FAT4: variants seen among roughly 807,000 people sequenced by gnomAD.
FAT4 encodes the protein FAT atypical cadherin 4, also known as protocadherin Fat 4.
In FAT4, 84 loss-of-function variants were observed where a neutral mutation model predicts 303.9. The ratio of observed to expected loss-of-function variants is 0.28; its 90% CI spans 0.23 to 0.33. The LOEUF (loss-of-function observed/expected upper bound fraction) is 0.33. Ranked by LOEUF, FAT4 falls within the 10% of genes least tolerant of loss-of-function variation. The probability of loss-of-function intolerance (pLI) is 1.00; values close to 1 mark genes in which losing one functional copy is unlikely to be tolerated. For missense variants in FAT4, 6,005 were observed against 6,146.8 expected (o/e 0.98, Z 0.77); for synonymous variants, 2,307 against 2,298.8 (o/e 1.00, Z -0.10).
rs762155242 is a variant in FAT4 at position 125,448,770 on chromosome 4, T to C, written c.7760T>C (p.Leu2587Pro). Reference protein sequence around the residue: ...MFPENQPVSSLVTTITGSSLR... With the variant: ...MFPENQPVSSPVTTITGSSLR... ...CCTGAAAACCAACCAGTCAGCTCTC[T>C]TGTCACCACCATCACAGGATCCTCT... The change falls in exon 10 of 18, where the codon CTT (leucine) becomes CCT (proline). Residue 2587 changes from leucine (L) to proline (P), a missense_variant. Transcript: ENST00000394329. The C allele has an allele frequency of 2.5e-6, 4 of 1,612,226 alleles. No homozygotes were observed. Among genetic ancestry groups the C allele is most frequent in the South Asian group, 1.1e-5 (1 of 91,082 alleles).
chr4:125,408,711 T>C lies in FAT4; in HGVS notation c.5837T>C (p.Leu1946Ser). 10 of 1,612,150 alleles carry C rather than the reference T, an allele frequency of 6.2e-6. No individual in the cohort carries two copies. Among genetic ancestry groups the C allele is most frequent in the Non-Finnish European group, 8.5e-6 (10 of 1,178,550 alleles). ...DVNDNPPIFSLNSYSTSLMEN... is the reference protein window; with the variant it reads ...DVNDNPPIFSSNSYSTSLMEN... ...AATGATAATCCACCTATTTTCAGCT[T>C]GAATTCATACAGCACATCTTTAATG... Residue 1946 changes from leucine (L) to serine (S), a missense_variant, in exon 5 of 18, where the codon TTG (leucine) becomes TCG (serine). Physicochemically the swap from Leu to Ser is moderately radical, Grantham distance 145. Transcript: ENST00000394329.
At chr4:125,357,341 T>C (rs1732472442) in intron 2 of FAT4, among the ~76,000 whole-genome samples, 1 of 152,116 alleles carries the variant, frequency 6.6e-6, no homozygotes. Context: ...ATAATAAAAT[T>C]TGTCATTTTC....
intron 2 of FAT4, among the ~76,000 whole-genome samples, chr4:125,389,602 T>A (rs1733901963): frequency 1.3e-5 from 2 of 152,134 alleles, no homozygotes; most frequent in Admixed American, 6.5e-5. Context: ...GTCCTATTAG[T>A]TTTCCTTAAT....
At chr4:125,456,914 G>T (rs1328608284) in intron 10 of FAT4, among the ~76,000 whole-genome samples, 1 of 152,040 alleles carries the variant, frequency 6.6e-6, no homozygotes, top group African/African-American at 2.4e-5. Flanking sequence ...CCTTAGTAAA[G>T]CTTCACTTCT....
chr4:125,322,253 CAG>C (rs1252575736), intron 2 of FAT4, among the ~76,000 whole-genome samples: 21 of 152,096 alleles, frequency 1.4e-4, no homozygotes, highest in Non-Finnish European at 1.9e-4. Flanking sequence ...TGTGAATAAT[CAG>C]AGACTAGGGA....
intron 2 of FAT4, among the ~76,000 whole-genome samples, chr4:125,389,257 T>C (rs1260847225): frequency 6.6e-6 from 1 of 152,096 alleles, no homozygotes; most frequent in Non-Finnish European, 1.5e-5. Context: ...CATGACAAAA[T>C]GCTTAATAGC....
chr4:125,348,439 G>C (rs1732089890), intron 2 of FAT4, among the ~76,000 whole-genome samples: 1 of 151,614 alleles, frequency 6.6e-6, no homozygotes, highest in Non-Finnish European at 1.5e-5. Context: ...CTGCTCATCA[G>C]TGTATCCCCA....
At position 125,320,698 on chromosome 4, in the gene FAT4, T is replaced by C. The variant is rs1181676515; in HGVS notation, c.4287T>C (p.Ile1429=). The C allele has an allele frequency of 6.2e-7, 1 of 1,613,956 alleles. No homozygotes were observed. The highest frequency in any genetic ancestry group is 8.5e-7 in the Non-Finnish European group (1 of 1,179,910). The change falls in exon 2 of 18, where the codon ATT becomes ATC. Residue 1429 remains isoleucine (I), a synonymous_variant. Coordinates refer to ENST00000394329, the MANE Select transcript of FAT4 (RefSeq NM_001291303.3). ...SFPPGDIFKS[I]VENIPIGTSV... ...CTCCTGGAGATATTTTCAAGTCTAT[T>C]GTTGAGAACATTCCCATCGGTACAT...
chr4:125,384,359 C>T lies in FAT4; in HGVS notation c.5176-14425C>T, dbSNP rs541211457. Among the ~76,000 whole-genome samples the T allele has an allele frequency of 4.4e-4, 67 of 152,206 alleles. No homozygotes were observed. The Middle Eastern group carries it at 0.014, about 31-fold the overall frequency. ...TATTATCTGTTGTTTTTAATATAGC[C>T]ATTTTTATGTGTGACATATTGTATT... On this transcript the variant is annotated intron_variant, in intron 2 of 17. Coordinates refer to ENST00000394329, the MANE Select transcript of FAT4 (RefSeq NM_001291303.3).
chr4:125,411,993 TG>T (rs1233514518), intron 5 of FAT4, among the ~76,000 whole-genome samples: 1 of 151,654 alleles, frequency 6.6e-6, no homozygotes, highest in Non-Finnish European at 1.5e-5. Context: ...TTTAAAGATC[TG>T]GTGGGCCATT....
intron 11 of FAT4, 118 bp from the exon 12 acceptor site, chr4:125,468,394 A>G (rs1172148534): frequency 1.5e-6 from 1 of 666,946 alleles, no homozygotes; most frequent in Non-Finnish European, 2.2e-6. Context: ...AATTTTTTGG[A>G]AAGTAAAAAA....
chr4:125,431,711 A>G (rs1725289419), intron 7 of FAT4, among the ~76,000 whole-genome samples: 1 of 152,138 alleles, frequency 6.6e-6, no homozygotes, highest in Non-Finnish European at 1.5e-5. Context: ...GTGAAATATC[A>G]GTAAAAGAGA....
chr4:125,431,077 G>T (rs1298663681), intron 7 of FAT4, among the ~76,000 whole-genome samples: 1 of 152,230 alleles, frequency 6.6e-6, no homozygotes, highest in Admixed American at 6.5e-5. Context: ...GTAATATATG[G>T]TTTACAGACA....
chr4:125,390,231 G>C (rs1300188309), intron 2 of FAT4, among the ~76,000 whole-genome samples: 1 of 151,864 alleles, frequency 6.6e-6, no homozygotes, highest in Admixed American at 6.6e-5. Flanking sequence ...CTCTATACTT[G>C]ATTCTCATGT....
At chr4:125,456,308 C>A (rs148158144) in intron 10 of FAT4, among the ~76,000 whole-genome samples, 1 of 152,132 alleles carries the variant, frequency 6.6e-6, no homozygotes, top group Non-Finnish European at 1.5e-5. Context: ...ATATCATAAA[C>A]TCTTTCTAGG....
chr4:125,342,393 T>C (rs994181103), intron 2 of FAT4, among the ~76,000 whole-genome samples: 1 of 152,018 alleles, frequency 6.6e-6, no homozygotes, highest in Non-Finnish European at 1.5e-5. Flanking sequence ...GCTTTTATGG[T>C]ATAAAATATG....
At chr4:125,370,884 G>A (rs1053415546) in intron 2 of FAT4, among the ~76,000 whole-genome samples, 2 of 152,026 alleles carry the variant, frequency 1.3e-5, no homozygotes, top group Admixed American at 6.6e-5. Context: ...GGTGGCTCAC[G>A]CCTGTAATCC....
chr4:125,406,172 A>G (rs1734598855), intron 3 of FAT4, among the ~76,000 whole-genome samples: 1 of 152,076 alleles, frequency 6.6e-6, no homozygotes, highest in Admixed American at 6.5e-5. Context: ...TCCATTTTAA[A>G]TTGATATTTG....
At chr4:125,424,517 G>A (rs1312321794) in intron 7 of FAT4, among the ~76,000 whole-genome samples, 1 of 152,100 alleles carries the variant, frequency 6.6e-6, no homozygotes, top group African/African-American at 2.4e-5. Flanking sequence ...CCAGTCCCAG[G>A]TATGGCCTTA....
Sources: gnomAD v4.1 joint callset for allele counts (sites outside exome capture counted in the v4.1 genomes callset) on GRCh38, gnomAD v4.1.1 for gene constraint, MANE v1.5 for transcripts, NCBI Gene and HGNC (gene_info 2026-07-23, HGNC 2026-07-21) for gene names.